STK39: variants seen among roughly 807,000 people sequenced by gnomAD.
The protein encoded by STK39 is serine/threonine kinase 39.
A neutral mutation model predicts 77.8 loss-of-function variants in STK39; 20 were observed. The observed-to-expected ratio is 0.26, with a 90% CI of 0.18 to 0.37. The LOEUF (loss-of-function observed/expected upper bound fraction) is 0.37. Among genes scored for constraint, STK39 ranks in the 10% least tolerant of loss-of-function variants. The probability of loss-of-function intolerance (pLI) is 1.00; values close to 1 mark genes in which losing one functional copy is unlikely to be tolerated. For synonymous variants in STK39, 246 were observed against 234.1 expected, an observed-to-expected ratio of 1.05 and a Z score of -0.47; for missense variants, 479 against 656.5, an observed-to-expected ratio of 0.73 and a Z score of 2.95.
At chr2:168,217,033 T>C (rs1690042201) in intron 1 of STK39, among the ~76,000 whole-genome samples, 2 of 152,338 alleles carry the variant, frequency 1.3e-5, no homozygotes, top group African/African-American at 4.8e-5. Context: ...AAAAGAAGAC[T>C]GCTCAGACCT....
intron 14 of STK39, among the ~76,000 whole-genome samples, chr2:168,027,198 T>A (rs764062201): frequency 3.9e-5 from 6 of 152,100 alleles, no homozygotes; most frequent in Non-Finnish European, 8.8e-5. Context: ...GCCCACAGCC[T>A]TGCCCGAAAT....
At chr2:168,014,151 A>G (rs1474863625) in intron 15 of STK39, among the ~76,000 whole-genome samples, 2 of 152,228 alleles carry the variant, frequency 1.3e-5, no homozygotes, top group Non-Finnish European at 2.9e-5. Flanking sequence ...TCCATGTAAG[A>G]TGAGCTTGTC....
chr2:168,010,262 A>T (rs1574388707), intron 16 of STK39, among the ~76,000 whole-genome samples: 1 of 152,256 alleles, frequency 6.6e-6, no homozygotes, highest in African/African-American at 2.4e-5. Flanking sequence ...CAAGGTTTGC[A>T]GGGTCTCCTG....
chr2:168,105,372 C>T (rs1686942274), intron 10 of STK39, among the ~76,000 whole-genome samples: 3 of 152,190 alleles, frequency 2.0e-5, no homozygotes, highest in Non-Finnish European at 4.4e-5. Context: ...GAACAAGCTC[C>T]AGACCATGCA....
At chr2:168,181,013 G>A (rs1241383834) in intron 2 of STK39, among the ~76,000 whole-genome samples, 3 of 152,138 alleles carry the variant, frequency 2.0e-5, no homozygotes, top group Non-Finnish European at 4.4e-5. Flanking sequence ...GCTATATTCT[G>A]AGTAAAGACA....
intron 5 of STK39, among the ~76,000 whole-genome samples, chr2:168,150,501 G>T (rs1251937309): frequency 6.6e-6 from 1 of 152,040 alleles, no homozygotes; most frequent in East Asian, 2.0e-4. Context: ...CTTACTAACA[G>T]TTTATCAGTA....
intron 1 of STK39, among the ~76,000 whole-genome samples, chr2:168,192,298 G>A (rs1370238222): frequency 6.6e-6 from 1 of 152,106 alleles, no homozygotes; most frequent in Non-Finnish European, 1.5e-5. Flanking sequence ...TTCTAGGAAG[G>A]TCTATCTGGA....
intron 1 of STK39, among the ~76,000 whole-genome samples, chr2:168,183,275 C>T (rs1231548092): frequency 6.6e-6 from 1 of 152,160 alleles, no homozygotes; most frequent in East Asian, 1.9e-4. Context: ...AGGTCTCCAA[C>T]TTAAAGACTA....
chr2:168,095,370 CAT>C (rs1686634954), intron 10 of STK39, among the ~76,000 whole-genome samples: 1 of 152,156 alleles, frequency 6.6e-6, no homozygotes, highest in Non-Finnish European at 1.5e-5. Context: ...TCACCTAGGT[CAT>C]GTGTTAAAAA....
At chr2:168,162,804 G>A (rs2105587621) in intron 4 of STK39, among the ~76,000 whole-genome samples, 1 of 152,194 alleles carries the variant, frequency 6.6e-6, no homozygotes, top group East Asian at 1.9e-4. Flanking sequence ...AAGGTGGGCA[G>A]ATCATCTGGG....
chr2:168,094,325 G>T (rs1686605466), intron 10 of STK39, among the ~76,000 whole-genome samples: 1 of 152,282 alleles, frequency 6.6e-6, no homozygotes, highest in African/African-American at 2.4e-5. Context: ...TGCACCAAAT[G>T]AAAAGTTGTC....
chr2:168,054,380 A>T (rs1430283363), intron 14 of STK39, among the ~76,000 whole-genome samples: 1 of 152,264 alleles, frequency 6.6e-6, no homozygotes, highest in African/African-American at 2.4e-5. Context: ...TCTGGTAACA[A>T]TAGGATGGAT....
At chr2:168,080,939 C>T (rs1175909626) in intron 10 of STK39, among the ~76,000 whole-genome samples, 2 of 152,184 alleles carry the variant, frequency 1.3e-5, no homozygotes, top group African/African-American at 4.8e-5. Flanking sequence ...TGTAGATGCA[C>T]AGAAGTCAAG....
At chr2:168,079,420 T>C (rs1028267123) in intron 10 of STK39, among the ~76,000 whole-genome samples, 2 of 152,134 alleles carry the variant, frequency 1.3e-5, no homozygotes, top group African/African-American at 2.4e-5. Context: ...AATCCACACT[T>C]GAAAAGCAAG....
intron 17 of STK39, among the ~76,000 whole-genome samples, chr2:167,961,081 C>T (rs895103000): frequency 2.6e-5 from 4 of 152,320 alleles, no homozygotes; most frequent in Middle Eastern, 3.4e-3. Flanking sequence ...CATGGACCTT[C>T]TGGAACTGGA....
intron 16 of STK39, among the ~76,000 whole-genome samples, chr2:167,988,022 T>C (rs1187896336): frequency 6.6e-6 from 1 of 152,154 alleles, no homozygotes; most frequent in Non-Finnish European, 1.5e-5. Flanking sequence ...AAGCAACTTG[T>C]TCAACTCACA....
chr2:168,000,333 T>C (rs1683968405), intron 16 of STK39, among the ~76,000 whole-genome samples: 1 of 152,228 alleles, frequency 6.6e-6, no homozygotes. Flanking sequence ...ATAAAAATTT[T>C]CATGAGCACT....
At chr2:167,976,846 T>C (rs576702145) in intron 16 of STK39, among the ~76,000 whole-genome samples, 1 of 152,206 alleles carries the variant, frequency 6.6e-6, no homozygotes, top group Non-Finnish European at 1.5e-5. Context: ...TTCTCCTGTG[T>C]GGCATGGCCA....
chr2:168,177,632 C>T (rs186083398), intron 2 of STK39, among the ~76,000 whole-genome samples: 46 of 152,214 alleles, frequency 3.0e-4, no homozygotes, highest in African/African-American at 9.9e-4. Context: ...TGAAAAGACA[C>T]ATGACTTCAA....
Sources: gnomAD v4.1 joint callset for allele counts (sites outside exome capture counted in the v4.1 genomes callset) on GRCh38, gnomAD v4.1.1 for gene constraint, MANE v1.5 for transcripts, NCBI Gene and HGNC (gene_info 2026-07-23, HGNC 2026-07-21) for gene names.